The following PGBD5 variants were observed in gnomAD, a reference collection of about 807,000 sequenced individuals.
The protein encoded by PGBD5 is piggyBac transposable element-derived protein 5.
PGBD5 carries 14 observed loss-of-function variants against 47.9 expected under a neutral mutation model. The ratio of observed to expected loss-of-function variants is 0.29; its 90% CI spans 0.19 to 0.46. The LOEUF (loss-of-function observed/expected upper bound fraction) is 0.46. Ranked by LOEUF, PGBD5 falls within the 20% of genes least tolerant of loss-of-function variation. PGBD5 has a pLI of 1.00. For missense variants in PGBD5, 635 were observed against 716.0 expected (o/e 0.89, Z 1.29); for synonymous variants, 316 against 306.3 (o/e 1.03, Z -0.33).
At chr1:230,326,372 C>T (rs1326434683) in intron 5 of PGBD5, among the ~76,000 whole-genome samples, 2 of 152,168 alleles carry the variant, frequency 1.3e-5, no homozygotes, top group Non-Finnish European at 2.9e-5. Flanking sequence ...TTGCTGAGAT[C>T]GCTGCCATTG....
In PGBD5 at chr1:230,323,252, G is replaced by A. The variant is rs951450860; in HGVS notation, c.*173C>T. 3 of 677,580 alleles carry A rather than the reference G, an allele frequency of 4.4e-6. No homozygotes were observed. Among genetic ancestry groups the A allele is most frequent in the Non-Finnish European group, 2.4e-6 (1 of 413,084 alleles). 42.0% of individuals were successfully genotyped at this position (677,580 alleles called of 1,614,324 possible). A position where few individuals can be genotyped will look rare whatever the true frequency, so the allele number is the denominator to read the frequency against. ...ATGCTCTTCTTGGAATGCAAATGAG[G>A]ACAGCAACCGTCCTCTGACCAGGTC... On this transcript the variant is annotated 3_prime_UTR_variant, in exon 7 of 7. Coordinates refer to ENST00000391860, the MANE Select transcript of PGBD5 (RefSeq NM_001258311.2). The surrounding 1 kb of genome is among the most constrained non-coding windows in gnomAD (Gnocchi z 4.1).
intron 3 of PGBD5, among the ~76,000 whole-genome samples, chr1:230,337,930 TGAA>T (rs1267088236): frequency 6.6e-6 from 1 of 152,138 alleles, no homozygotes; most frequent in Non-Finnish European, 1.5e-5. Flanking sequence ...GTTAATGGAT[TGAA>T]GAAGAGCATG....
At chr1:230,353,588 T>C (rs1241591221) in intron 2 of PGBD5, among the ~76,000 whole-genome samples, 2 of 151,922 alleles carry the variant, frequency 1.3e-5, no homozygotes, top group African/African-American at 4.8e-5. Flanking sequence ...GTGAGGTGAG[T>C]GTGCTGTGTG....
At chr1:230,360,181 G>A (rs1389610947) in intron 1 of PGBD5, among the ~76,000 whole-genome samples, 4 of 152,176 alleles carry the variant, frequency 2.6e-5, no homozygotes, top group African/African-American at 9.7e-5. Flanking sequence ...TTGCCCCCCA[G>A]GCCATTTCAA....
rs571637674 is a variant in PGBD5 at position 230,339,745 on chromosome 1, C to T, written c.895-2457G>A. 2.5e-4 allele frequency among the ~76,000 whole-genome samples: 38 copies of T among 152,172 alleles called. 1 individual carries two copies. The South Asian group carries it at 7.7e-3, about 31-fold the overall frequency. ...GGACATTAAGCGAAGTGAAATAAGC[C>T]GAGCACAGGAAGAGAAACACTGTAT... On this transcript the variant is annotated intron_variant, in intron 3 of 6. Coordinates refer to ENST00000391860, the MANE Select transcript of PGBD5 (RefSeq NM_001258311.2).
At chr1:230,413,239 A>G (rs1426902564) in intron 1 of PGBD5, among the ~76,000 whole-genome samples, 9 of 152,166 alleles carry the variant, frequency 5.9e-5, no homozygotes, top group Non-Finnish European at 1.2e-4. Flanking sequence ...CTCAGAACTC[A>G]GGCACAGCCA....
chr1:230,319,594 C>T lies in PGBD5; in HGVS notation c.*3831G>A, dbSNP rs1036912780. 6.6e-6 allele frequency: 1 copy of T among 152,112 alleles called. No individual in the cohort carries two copies. Among genetic ancestry groups the T allele is most frequent in the African/African-American group, 2.4e-5 (1 of 41,434 alleles). The allele number at this position is 152,112 out of a possible 1,614,324, so 9.4% of individuals were successfully genotyped here. On this transcript the variant is annotated 3_prime_UTR_variant, in exon 7 of 7. Transcript: ENST00000391860. ...CCTGGGTCCCTGGGGAGGATGGTGA[C>T]ACACGGGCCACACAGGAAGGATTCA...
chr1:230,326,018 G>T (rs1667110983), intron 5 of PGBD5, among the ~76,000 whole-genome samples: 1 of 152,214 alleles, frequency 6.6e-6, no homozygotes, highest in South Asian at 2.1e-4. Context: ...AAGTGTGTGA[G>T]ATGATGGATA....
At chr1:230,325,084 T>C (rs78334603) in intron 6 of PGBD5, among the ~76,000 whole-genome samples, 5,320 of 152,146 alleles carry the variant, frequency 0.035, 120 homozygotes, top group South Asian at 0.068. Context: ...GAACCCAGCA[T>C]TGGGAGAGTG....
rs554068483 is a variant in PGBD5, at chr1:230,398,967, GAC to G, written c.331+26629_331+26630del. On this transcript the variant is annotated intron_variant, in intron 1 of 6. Transcript: ENST00000391860. Reference sequence around the variant, plus strand: ...GGGCCAGGCTCCGACAAGAGGGAAAGACAGACCCAGGAGCCCGGCAGAACCTT... The same window carrying G: ...GGGCCAGGCTCCGACAAGAGGGAAAGAGACCCAGGAGCCCGGCAGAACCTT... Among the ~76,000 whole-genome samples the G allele has an allele frequency of 1.1e-4, 17 of 152,214 alleles. No individual in the cohort carries two copies. In the South Asian group the frequency reaches 3.3e-3, roughly 30 times the overall value.
intron 1 of PGBD5, among the ~76,000 whole-genome samples, chr1:230,413,358 G>A (rs759979697): frequency 4.6e-5 from 7 of 152,072 alleles, no homozygotes; most frequent in Non-Finnish European, 1.0e-4. Flanking sequence ...CAAAAAATTA[G>A]GTATGGTGGC....
intron 4 of PGBD5, 53 bp from the exon 5 acceptor site, chr1:230,333,094 C>T: frequency 1.3e-6 from 2 of 1,530,590 alleles, no homozygotes; most frequent in Admixed American, 2.0e-5. Flanking sequence ...GAGATGCCGG[C>T]GGCTCCTCCG....
At chr1:230,354,965 A>G (rs1268591431) in intron 2 of PGBD5, among the ~76,000 whole-genome samples, 1 of 152,218 alleles carries the variant, frequency 6.6e-6, no homozygotes, top group Non-Finnish European at 1.5e-5. Context: ...AGTGAAGGCA[A>G]AAGTAAAGGG....
At chr1:230,408,120 G>A (rs1444795752) in intron 1 of PGBD5, among the ~76,000 whole-genome samples, 1 of 151,690 alleles carries the variant, frequency 6.6e-6, no homozygotes, top group East Asian at 1.9e-4. Flanking sequence ...TTTCACAAAT[G>A]TGTGGTAGAG....
chr1:230,421,373 G>A (rs567044289), intron 1 of PGBD5, among the ~76,000 whole-genome samples: 5 of 152,000 alleles, frequency 3.3e-5, no homozygotes, highest in African/African-American at 7.3e-5. Flanking sequence ...ACTGAAAAAG[G>A]TTCTAGTAAA....
intron 3 of PGBD5, among the ~76,000 whole-genome samples, chr1:230,341,397 G>A (rs991082489): frequency 2.0e-5 from 3 of 152,178 alleles, no homozygotes; most frequent in Non-Finnish European, 2.9e-5. Flanking sequence ...TTAGCTGGAT[G>A]AGCAACCTCC....
At chr1:230,351,699 C>A (rs1410414755) in intron 2 of PGBD5, among the ~76,000 whole-genome samples, 1 of 152,162 alleles carries the variant, frequency 6.6e-6, no homozygotes, top group Non-Finnish European at 1.5e-5. Flanking sequence ...TTTTATAAAT[C>A]ATTCATCAAA....
chr1:230,375,859 C>G (rs1015156768), intron 1 of PGBD5, among the ~76,000 whole-genome samples: 3 of 151,806 alleles, frequency 2.0e-5, no homozygotes, highest in African/African-American at 7.3e-5. Context: ...CCCTCCCACA[C>G]CAGCTAGAGC....
chr1:230,409,966 A>C (rs1227221930), intron 1 of PGBD5, among the ~76,000 whole-genome samples: 1 of 152,236 alleles, frequency 6.6e-6, no homozygotes, highest in Non-Finnish European at 1.5e-5. Context: ...AAATGTGTAC[A>C]TATTGATTTA....
Sources: gnomAD v4.1 joint callset for allele counts (sites outside exome capture counted in the v4.1 genomes callset) on GRCh38, gnomAD v4.1.1 for gene constraint, Gnocchi (gnomAD v3.1) non-coding constraint, MANE v1.5 for transcripts, NCBI Gene and HGNC (gene_info 2026-07-23, HGNC 2026-07-21) for gene names.